CADPS2: variants seen among roughly 807,000 people sequenced by gnomAD.
CADPS2 encodes calcium dependent secretion activator 2, also known as calcium-dependent secretion activator 2.
Under a neutral mutation model 172.5 loss-of-function variants are expected in CADPS2, and 93 were observed. The observed-to-expected ratio is 0.54, with a 90% CI of 0.46 to 0.64. The LOEUF (loss-of-function observed/expected upper bound fraction) is 0.64. Among genes scored for constraint, CADPS2 ranks in the 30% least tolerant of loss-of-function variants. The pLI, the probability that CADPS2 is intolerant of heterozygous loss-of-function variation, is 0.00. For missense variants in CADPS2, 1,420 were observed against 1,565.9 expected, an observed-to-expected ratio of 0.91 and a Z score of 1.57; for synonymous variants, 546 against 555.2, an observed-to-expected ratio of 0.98 and a Z score of 0.23.
At chr7:122,472,086 T>C (rs1380585544) in intron 13 of CADPS2, among the ~76,000 whole-genome samples, 7 of 152,230 alleles carry the variant, frequency 4.6e-5, no homozygotes. Flanking sequence ...TAATGCTTTA[T>C]ATTAGCAGTT....
chr7:122,697,769 T>G (rs551798074), intron 2 of CADPS2: 21 of 1,543,586 alleles, frequency 1.4e-5, no homozygotes, highest in Middle Eastern at 3.5e-4. Context: ...TTTAATACAC[T>G]TCCTCAAAAG....
chr7:122,868,484 C>A (rs1207877388), intron 1 of CADPS2, among the ~76,000 whole-genome samples: 1 of 152,164 alleles, frequency 6.6e-6, no homozygotes, highest in Non-Finnish European at 1.5e-5. Context: ...AAGGCAATAT[C>A]ATGACTTGAC....
chr7:122,575,793 G>A (rs991025632), intron 7 of CADPS2, among the ~76,000 whole-genome samples: 1 of 152,052 alleles, frequency 6.6e-6, no homozygotes. Context: ...ATATTTAAAA[G>A]CCTTTTTTAT....
intron 27 of CADPS2, among the ~76,000 whole-genome samples, chr7:122,346,005 G>A (rs1379106422): frequency 6.9e-6 from 1 of 144,532 alleles, no homozygotes; most frequent in African/African-American, 2.6e-5. Context: ...AATTTTCCAT[G>A]TGTAATTATA....
At chr7:122,849,341 AC>A (rs1323005850) in intron 1 of CADPS2, among the ~76,000 whole-genome samples, 1 of 152,210 alleles carries the variant, frequency 6.6e-6, no homozygotes, top group East Asian at 1.9e-4. Flanking sequence ...TCACCAAAAA[AC>A]ATTTTAATTT....
intron 24 of CADPS2, among the ~76,000 whole-genome samples, chr7:122,381,821 A>G (rs80111806): frequency 7.2e-5 from 11 of 152,312 alleles, no homozygotes; most frequent in African/African-American, 2.6e-4. Flanking sequence ...TGTTAAAAAC[A>G]AAGGAATAAA....
chr7:122,433,271 A>G (rs1428773298), intron 17 of CADPS2, among the ~76,000 whole-genome samples: 2 of 152,048 alleles, frequency 1.3e-5, no homozygotes, highest in East Asian at 1.9e-4. Flanking sequence ...ATGAGCCACC[A>G]TGCTCTCCCT....
intron 6 of CADPS2, among the ~76,000 whole-genome samples, chr7:122,606,546 A>G (rs1348111347): frequency 6.6e-6 from 1 of 152,168 alleles, no homozygotes; most frequent in Admixed American, 6.6e-5. Flanking sequence ...TATCTTTCAC[A>G]TGGAACTTCT....
chr7:122,671,918 G>C (rs1414312417), intron 2 of CADPS2, among the ~76,000 whole-genome samples: 1 of 152,086 alleles, frequency 6.6e-6, no homozygotes, highest in Non-Finnish European at 1.5e-5. Flanking sequence ...AACCAGTAAG[G>C]TTTACTGATT....
chr7:122,870,298 G>C (rs1348085924), intron 1 of CADPS2, among the ~76,000 whole-genome samples: 2 of 152,004 alleles, frequency 1.3e-5, no homozygotes, highest in Non-Finnish European at 2.9e-5. Context: ...TAAGAGTGCA[G>C]GGGTAGCTAT....
intron 12 of CADPS2, among the ~76,000 whole-genome samples, chr7:122,480,328 T>C (rs1164948537): frequency 2.7e-5 from 4 of 149,404 alleles, no homozygotes; most frequent in African/African-American, 5.0e-5. Context: ...GTTATTGTTA[T>C]GCTTAGTTTT....
At chr7:122,522,818 T>C (rs184788941) in intron 8 of CADPS2, among the ~76,000 whole-genome samples, 16 of 147,078 alleles carry the variant, frequency 1.1e-4, no homozygotes, top group Non-Finnish European at 1.6e-4. Context: ...TGTGAGAACA[T>C]GTGCCATCTG....
At chr7:122,464,183 T>C (rs1226412804) in intron 14 of CADPS2, among the ~76,000 whole-genome samples, 4 of 152,176 alleles carry the variant, frequency 2.6e-5, no homozygotes, top group Non-Finnish European at 2.9e-5. Flanking sequence ...GCATGTCAGA[T>C]TGCCAGAAAC....
At chr7:122,480,116 A>T in intron 12 of CADPS2, 1 of 471,606 alleles carries the variant, frequency 2.1e-6, no homozygotes, top group South Asian at 1.5e-5. Flanking sequence ...TAAGTGAAAA[A>T]ATTGGTTACC....
chr7:122,752,844 T>C (rs2093005894), intron 1 of CADPS2, among the ~76,000 whole-genome samples: 1 of 152,038 alleles, frequency 6.6e-6, no homozygotes, highest in African/African-American at 2.4e-5. Flanking sequence ...ACGCATCAAG[T>C]AATAATTTTC....
intron 1 of CADPS2, among the ~76,000 whole-genome samples, chr7:122,853,879 C>T (rs1239513445): frequency 3.3e-5 from 5 of 152,252 alleles, no homozygotes; most frequent in Non-Finnish European, 5.9e-5. Context: ...AAAGCTTCAG[C>T]GCTTTGCAAG....
chr7:122,740,337 G>A (rs760148231), intron 1 of CADPS2, among the ~76,000 whole-genome samples: 6 of 152,030 alleles, frequency 3.9e-5, no homozygotes, highest in Non-Finnish European at 8.8e-5. Flanking sequence ...GGATAAACTC[G>A]GGTACGTCCA....
intron 8 of CADPS2, 79 bp downstream of exon 8, chr7:122,554,471 C>G: frequency 7.4e-7 from 1 of 1,351,352 alleles, no homozygotes; most frequent in Non-Finnish European, 1.0e-6. Flanking sequence ...TATACTGGTT[C>G]TCTCACTAAA....
In CADPS2 at chr7:122,365,230, GGA is replaced by G. The variant is rs1323290607; in HGVS notation, c.3388-4219_3388-4218del. ...TCTTTGTCTCCATTTCAAAAGTAGT[GGA>G]GAGTCTTTCCTCAGCTTCCTCCCTA... is the stretch of plus-strand genomic sequence containing the variant. On this transcript the variant is annotated intron_variant, in intron 25 of 29. Transcript: ENST00000449022. Among the ~76,000 whole-genome samples, 7 of 152,250 alleles carry G rather than the reference GGA, an allele frequency of 4.6e-5. No individual in the cohort carries two copies. In the East Asian group the frequency reaches 1.4e-3, roughly 29 times the overall value.
Sources: gnomAD v4.1 joint callset for allele counts (sites outside exome capture counted in the v4.1 genomes callset) on GRCh38, gnomAD v4.1.1 for gene constraint, MANE v1.5 for transcripts, NCBI Gene and HGNC (gene_info 2026-07-23, HGNC 2026-07-21) for gene names.